Variants in MAN1A1 observed in about 807,000 individuals in gnomAD.
The protein encoded by MAN1A1 is mannosyl-oligosaccharide 1,2-alpha-mannosidase IA.
Under a neutral mutation model 70.8 loss-of-function variants are expected in MAN1A1, and 29 were observed. The ratio of observed to expected loss-of-function variants is 0.41; its 90% CI spans 0.31 to 0.56. MAN1A1 has a LOEUF of 0.56. MAN1A1 is among the 20% of genes least tolerant of loss of function. The pLI is 0.29. For missense variants in MAN1A1, 747 were observed against 841.3 expected (o/e 0.89, Z 1.39); for synonymous variants, 349 against 330.1 (o/e 1.06, Z -0.62).
At chr6:119,228,839 C>T (rs925441891) in intron 6 of MAN1A1, among the ~76,000 whole-genome samples, 3 of 152,088 alleles carry the variant, frequency 2.0e-5, no homozygotes, top group South Asian at 2.1e-4. Flanking sequence ...CCTTATATAG[C>T]GGCCCATTGC....
intron 3 of MAN1A1, among the ~76,000 whole-genome samples, chr6:119,305,962 A>C (rs1231718731): frequency 1.3e-5 from 2 of 152,178 alleles, no homozygotes; most frequent in Non-Finnish European, 2.9e-5. Context: ...TATCTCTGGG[A>C]AAACTATTCT....
At chr6:119,186,823 A>T (rs1351621212) in intron 11 of MAN1A1, among the ~76,000 whole-genome samples, 1 of 152,168 alleles carries the variant, frequency 6.6e-6, no homozygotes, top group Non-Finnish European at 1.5e-5. Flanking sequence ...TCGAAGTCCC[A>T]GTTTTTCTGG....
chr6:119,190,883 C>T (rs372287818), intron 9 of MAN1A1, among the ~76,000 whole-genome samples: 44 of 152,248 alleles, frequency 2.9e-4, no homozygotes, highest in African/African-American at 1.0e-3. Flanking sequence ...AAAATGTTCT[C>T]CCCACTGCCC....
At chr6:119,239,306 A>G (rs1359728085) in intron 6 of MAN1A1, among the ~76,000 whole-genome samples, 1 of 152,246 alleles carries the variant, frequency 6.6e-6, no homozygotes, top group East Asian at 1.9e-4. Context: ...GCAGCTGCAC[A>G]TTAATTTCCA....
chr6:119,283,999 C>A (rs942879039), intron 5 of MAN1A1, among the ~76,000 whole-genome samples: 7 of 152,256 alleles, frequency 4.6e-5, no homozygotes, highest in Admixed American at 3.9e-4. Flanking sequence ...GCCTGTCATT[C>A]CAATAACAAA....
At chr6:119,348,167 GA>G (rs1773786879) in intron 2 of MAN1A1, among the ~76,000 whole-genome samples, 1 of 152,220 alleles carries the variant, frequency 6.6e-6, no homozygotes, top group South Asian at 2.1e-4. Context: ...GCCAGAGAAT[GA>G]GGTTTGCGTA....
At chr6:119,350,517 A>G (rs962181269), upstream of MAN1A1, 39 of 985,246 alleles carry the variant, frequency 4.0e-5, no homozygotes, top group Non-Finnish European at 4.6e-5. Flanking sequence ...TACTTTCACT[A>G]TTCATTTACC....
At chr6:119,258,976 A>G (rs1261314979) in intron 5 of MAN1A1, among the ~76,000 whole-genome samples, 1 of 152,188 alleles carries the variant, frequency 6.6e-6, no homozygotes, top group Non-Finnish European at 1.5e-5. Flanking sequence ...CAAGATGGTT[A>G]TAATTAAAGG....
chr6:119,278,782 T>C (rs924862957), intron 5 of MAN1A1, among the ~76,000 whole-genome samples: 5 of 152,068 alleles, frequency 3.3e-5, no homozygotes, highest in African/African-American at 1.2e-4. Context: ...CAAGTTCACA[T>C]GAGATCTGGT....
At chr6:119,326,330 GCTCT>G (rs1285047838) in intron 2 of MAN1A1, among the ~76,000 whole-genome samples, 1 of 152,180 alleles carries the variant, frequency 6.6e-6, no homozygotes, top group Non-Finnish European at 1.5e-5. Context: ...GACAGCTCTA[GCTCT>G]CTCTTTCTCT....
chr6:119,332,485 C>T (rs1773345702), intron 2 of MAN1A1, among the ~76,000 whole-genome samples: 1 of 152,118 alleles, frequency 6.6e-6, no homozygotes, highest in Non-Finnish European at 1.5e-5. Context: ...TGTTGTTATT[C>T]ATAAACCAAA....
Position 119,348,878 on chromosome 6 carries a change from G to T in MAN1A1, c.188C>A (p.Pro63Gln). 6.5e-7 allele frequency: 1 copy of T among 1,533,834 alleles called. No homozygotes were observed. Among genetic ancestry groups the T allele is most frequent in the Non-Finnish European group, 8.8e-7 (1 of 1,142,210 alleles). Residue 63 changes from proline (P) to glutamine (Q), a missense_variant, in exon 2 of 13, where the codon CCA becomes CAA. This residue lies in a region of MAN1A1 where 328 missense variants were observed against 293.1 expected (regional missense o/e 1.12). Coordinates refer to ENST00000368468, the MANE Select transcript of MAN1A1 (RefSeq NM_005907.4). ...TLCFGAIFFL[P>Q]DSSKLLSGVL... ...CCCGCTGAGCAGCTTGGAGGAGTCT[G>T]GCAGGAAGAAGATCGCCCCGAAGCA...
chr6:119,347,154 G>A (rs759911007), intron 2 of MAN1A1, among the ~76,000 whole-genome samples: 6 of 152,158 alleles, frequency 3.9e-5, no homozygotes, highest in Non-Finnish European at 8.8e-5. Flanking sequence ...TAAACCGAAA[G>A]GGATCCAAGT....
chr6:119,349,726 C>A lies in MAN1A1; in HGVS notation c.-407G>T, dbSNP rs1156738804. The A allele has an allele frequency of 1.1e-5, 11 of 985,594 alleles. No homozygotes were observed. In the African/African-American group the frequency reaches 1.7e-4, roughly 16 times the overall value. 61.1% of individuals were successfully genotyped at this position (985,594 alleles called of 1,614,324 possible). The stretch of plus-strand genomic sequence containing the variant: ...TGCGGGCGAATGGCAGCGAGTAGAG[C>A]AGCACGGTACACTCCGCCGCGGCCC... On this transcript the variant is annotated 5_prime_UTR_variant, in exon 1 of 13. Transcript: ENST00000368468.
intron 2 of MAN1A1, among the ~76,000 whole-genome samples, chr6:119,343,867 T>A (rs1202882306): frequency 1.3e-5 from 2 of 152,206 alleles, no homozygotes; most frequent in Non-Finnish European, 2.9e-5. Context: ...TTAGGAGGTA[T>A]AACCAGGTTC....
At chr6:119,228,009 T>G (rs1774568019) in intron 6 of MAN1A1, among the ~76,000 whole-genome samples, 1 of 152,126 alleles carries the variant, frequency 6.6e-6, no homozygotes, top group Non-Finnish European at 1.5e-5. Flanking sequence ...CCAAAACTTT[T>G]TAAAAAATAT....
At chr6:119,341,176 C>CAG (rs1259911767) in intron 2 of MAN1A1, among the ~76,000 whole-genome samples, 1 of 152,048 alleles carries the variant, frequency 6.6e-6, no homozygotes, top group Non-Finnish European at 1.5e-5. Flanking sequence ...ACCTAATGAT[C>CAG]ACAGAAGTCT....
intron 11 of MAN1A1, among the ~76,000 whole-genome samples, chr6:119,182,402 G>A (rs1773174836): frequency 6.6e-6 from 1 of 152,036 alleles, no homozygotes. Context: ...CTGTGTTTTT[G>A]GGTCGAATCC....
At chr6:119,215,707 C>T (rs754528356) in intron 6 of MAN1A1, among the ~76,000 whole-genome samples, 2 of 152,074 alleles carry the variant, frequency 1.3e-5, no homozygotes, top group Non-Finnish European at 2.9e-5. Context: ...ATTTTTTGGG[C>T]TATTTTTCTC....
Sources: allele counts gnomAD v4.1 joint callset (sites outside exome capture counted in the v4.1 genomes callset), GRCh38; gene constraint gnomAD v4.1.1; regional missense constraint gnomAD v4.1.1; transcripts MANE v1.5; gene names NCBI Gene and HGNC (gene_info 2026-07-23, HGNC 2026-07-21).